The following ZNF652 variants were observed in gnomAD, a reference collection of about 807,000 sequenced individuals.
ZNF652 encodes zinc finger protein 652.
A neutral mutation model predicts 45.2 loss-of-function variants in ZNF652; 16 were observed. That is an observed-to-expected ratio of 0.35 (90% CI 0.24 to 0.54). The LOEUF is 0.54. Ranked by LOEUF, ZNF652 falls within the 20% of genes least tolerant of loss-of-function variation. The pLI, the probability that ZNF652 is intolerant of heterozygous loss-of-function variation, is 0.91. For missense variants in ZNF652, 614 were observed against 765.6 expected, an observed-to-expected ratio of 0.80 and a Z score of 2.34; for synonymous variants, 250 against 260.6, an observed-to-expected ratio of 0.96 and a Z score of 0.39.
intron 2 of ZNF652, among the ~76,000 whole-genome samples, chr17:49,316,099 C>A (rs550501473): frequency 3.1e-4 from 47 of 152,330 alleles, no homozygotes; most frequent in African/African-American, 1.1e-3. Flanking sequence ...AATATAACTG[C>A]AATCCACTTG....
intron 5 of ZNF652, among the ~76,000 whole-genome samples, chr17:49,304,142 C>A (rs977901607): frequency 6.8e-6 from 1 of 146,722 alleles, no homozygotes; most frequent in Admixed American, 7.1e-5. Flanking sequence ...CCTCATGATT[C>A]GCCCACCTCA....
At chr17:49,315,361 T>C (rs2069787141) in intron 2 of ZNF652, among the ~76,000 whole-genome samples, 1 of 152,072 alleles carries the variant, frequency 6.6e-6, no homozygotes, top group African/African-American at 2.4e-5. Context: ...TTTTTACTTG[T>C]TACCAAGTCA....
Position 49,290,260 on chromosome 17 carries a change from C to T in ZNF652, c.*8153G>A, listed in dbSNP as rs1194337889. 1 of 152,190 alleles carries T rather than the reference C, an allele frequency of 6.6e-6. No homozygotes were observed. Among genetic ancestry groups the T allele is most frequent in the African/African-American group, 2.4e-5 (1 of 41,442 alleles). 9.4% of individuals were successfully genotyped at this position (152,190 alleles called of 1,614,324 possible). On this transcript the variant is annotated 3_prime_UTR_variant, in exon 6 of 6. Transcript: ENST00000430262. ...GGGGTAATATTTACTGTCGTCTTTT[C>T]CCTTCCCAGGTTGATTACTGACCTG...
intron 1 of ZNF652, among the ~76,000 whole-genome samples, chr17:49,326,774 C>T (rs754461433): frequency 2.0e-5 from 3 of 152,166 alleles, no homozygotes; most frequent in Non-Finnish European, 4.4e-5. Context: ...TCACTATTCA[C>T]TATTGTAATG....
intron 1 of ZNF652, among the ~76,000 whole-genome samples, chr17:49,319,966 G>C (rs1285557571): frequency 6.6e-6 from 1 of 152,000 alleles, no homozygotes; most frequent in Non-Finnish European, 1.5e-5. Context: ...CCATTTCCTG[G>C]AGGCAATAAT....
At position 49,332,700 on chromosome 17, in the gene ZNF652, C is replaced by CA. The variant is rs534396847; in HGVS notation, c.-258-14718dup. ...CTTGCTATGTTGCTCAGGCTGGTCT[C>CA]AAACTCCTGGCCTCAAATGATCCTC... On this transcript the variant is annotated intron_variant, in intron 1 of 5. Coordinates refer to ENST00000430262, the MANE Select transcript of ZNF652 (RefSeq NM_001145365.3). Among the ~76,000 whole-genome samples the CA allele has an allele frequency of 1.6e-3, 243 of 152,256 alleles. 2 individuals are homozygous for CA. The highest frequency in any genetic ancestry group is 5.6e-3 in the African/African-American group (232 of 41,548).
At chr17:49,333,560 A>AAAAAAG in intron 1 of ZNF652, among the ~76,000 whole-genome samples, 1 of 141,476 alleles carries the variant, frequency 7.1e-6, no homozygotes, top group Non-Finnish European at 1.6e-5. Flanking sequence ...AAAAAAAAAA[A>AAAAAAG]AAAAAAAAAA....
At position 49,312,927 on chromosome 17, in the gene ZNF652, T is replaced by C. The variant is rs894979276; in HGVS notation, c.901-82A>G. ...CTACTGGCAGACCAAACGGATGTGC[T>C]TTAGGTTCATGGCACAAGGCCAGAA... is the stretch of plus-strand genomic sequence containing the variant. On this transcript the variant is annotated intron_variant, in intron 2 of 5. Transcript: ENST00000430262. 3.4e-5 allele frequency: 48 copies of C among 1,422,274 alleles called. 1 individual carries two copies. Among genetic ancestry groups the C allele is most frequent in the East Asian group, 1.8e-4 (8 of 43,502 alleles). The allele number at this position is 1,422,274 out of a possible 1,614,324, so 88.1% of individuals were successfully genotyped here.
chr17:49,343,796 T>C (rs1422187665), intron 1 of ZNF652, among the ~76,000 whole-genome samples: 1 of 152,138 alleles, frequency 6.6e-6, no homozygotes, highest in Non-Finnish European at 1.5e-5. Flanking sequence ...GGCTCATGCC[T>C]GTAATCCCAA....
chr17:49,328,359 G>C (rs941305594), intron 1 of ZNF652, among the ~76,000 whole-genome samples: 1 of 151,934 alleles, frequency 6.6e-6, no homozygotes, highest in Admixed American at 6.6e-5. Context: ...AAACCATGTG[G>C]GTTTTTTTAC....
intron 1 of ZNF652, among the ~76,000 whole-genome samples, chr17:49,347,735 GTTTTGT>G (rs759783602): frequency 0.27 from 33,034 of 122,460 alleles, 4,490 homozygotes; most frequent in Non-Finnish European, 0.32. Flanking sequence ...TTGAACCTTG[GTTTTGT>G]TTTTTTTTTT....
chr17:49,304,042 C>A lies in ZNF652; in HGVS notation c.1310-5118G>T, dbSNP rs909422459. ...TAGCTGGGACTACAGGCGCCCGCCACCATGCCTGGCTAATTTTTTTTTTTT... is the reference window on the plus strand; with the variant it reads ...TAGCTGGGACTACAGGCGCCCGCCAACATGCCTGGCTAATTTTTTTTTTTT... On this transcript the variant is annotated intron_variant, in intron 5 of 5. Transcript: ENST00000430262. Among the ~76,000 whole-genome samples, 8 of 144,508 alleles carry A rather than the reference C, an allele frequency of 5.5e-5. No homozygotes were observed. In the Admixed American group the frequency reaches 5.9e-4, roughly 11 times the overall value. 94.8% of individuals were successfully genotyped at this position (144,508 alleles called of 152,430 possible).
chr17:49,315,988 C>T (rs2069798571), intron 2 of ZNF652, among the ~76,000 whole-genome samples: 1 of 152,158 alleles, frequency 6.6e-6, no homozygotes, highest in Admixed American at 6.5e-5. Context: ...ATAAGTTTAG[C>T]TTAAATATGG....
rs1365272749 is a variant in ZNF652, at chr17:49,295,007, CTGAGTT to C, written c.*3400_*3405del. 1 of 152,124 alleles carries C rather than the reference CTGAGTT, an allele frequency of 6.6e-6. No homozygotes were observed. The highest frequency in any genetic ancestry group is 1.5e-5 in the Non-Finnish European group (1 of 68,036). The allele number at this position is 152,124 out of a possible 1,614,324, so 9.4% of individuals were successfully genotyped here. A position where few individuals can be genotyped will look rare whatever the true frequency, so the allele number is the denominator to read the frequency against. ...GAGGACCCCAACCAAATTTTCAACC[CTGAGTT>C]TGAGTCTTAAGCATGTTAAACGTGT... On this transcript the variant is annotated 3_prime_UTR_variant, in exon 6 of 6. Coordinates refer to ENST00000430262, the MANE Select transcript of ZNF652 (RefSeq NM_001145365.3).
At chr17:49,305,762 G>C (rs1394266544) in intron 5 of ZNF652, among the ~76,000 whole-genome samples, 2 of 151,982 alleles carry the variant, frequency 1.3e-5, no homozygotes, top group East Asian at 1.9e-4. Context: ...GGTATAAGAA[G>C]AATCAGTAGG....
intron 1 of ZNF652, among the ~76,000 whole-genome samples, chr17:49,327,070 T>C (rs1305140717): frequency 1.3e-5 from 2 of 152,188 alleles, no homozygotes; most frequent in African/African-American, 4.8e-5. Context: ...CTTGGTAAAT[T>C]CTACTCTGAT....
At chr17:49,350,970 CATATATATATATATATATATATATAT>C (rs372720324) in intron 1 of ZNF652, among the ~76,000 whole-genome samples, 35 of 42,284 alleles carry the variant, frequency 8.3e-4, no homozygotes, top group South Asian at 4.4e-3. Context: ...ACTCTGTCTA[CATATATATATATATATATATATATAT>C]ATATATATAT....
chr17:49,310,358 T>C (rs2069692985), intron 5 of ZNF652, among the ~76,000 whole-genome samples: 1 of 152,206 alleles, frequency 6.6e-6, no homozygotes, highest in Non-Finnish European at 1.5e-5. Flanking sequence ...CTGTTCAATT[T>C]ATGCAAAGAT....
rs1228129404 is a variant in ZNF652, at chr17:49,289,215, T to C, written c.*9198A>G. ...AAAGACACACAGGGGATATGGCTGC[T>C]TTTTTTTTTTTTTTTTACTTTGAAC... is the stretch of plus-strand genomic sequence containing the variant. On this transcript the variant is annotated 3_prime_UTR_variant, in exon 6 of 6. Coordinates refer to ENST00000430262, the MANE Select transcript of ZNF652 (RefSeq NM_001145365.3). 4.1e-5 allele frequency: 3 copies of C among 73,956 alleles called. No individual in the cohort carries two copies. Among genetic ancestry groups the C allele is most frequent in the African/African-American group, 1.5e-4 (3 of 19,466 alleles). 4.6% of individuals were successfully genotyped at this position (73,956 alleles called of 1,614,324 possible).
Sources: allele counts gnomAD v4.1 joint callset (sites outside exome capture counted in the v4.1 genomes callset), GRCh38; gene constraint gnomAD v4.1.1; transcripts MANE v1.5; gene names NCBI Gene and HGNC (gene_info 2026-07-23, HGNC 2026-07-21).